The following SMAD3 variants were observed in gnomAD, a reference collection of about 807,000 sequenced individuals.
SMAD3 encodes SMAD family member 3.
A neutral mutation model predicts 51.8 loss-of-function variants in SMAD3; 12 were observed. The ratio of observed to expected loss-of-function variants is 0.23; its 90% CI spans 0.15 to 0.38. The LOEUF is 0.38. SMAD3 is among the 10% of genes least tolerant of loss of function. The probability of loss-of-function intolerance (pLI) is 1.00; values close to 1 mark genes in which losing one functional copy is unlikely to be tolerated. For synonymous variants in SMAD3, 238 were observed against 227.7 expected (o/e 1.05, Z -0.41); for missense variants, 294 against 565.6 (o/e 0.52, Z 4.87).
intron 1 of SMAD3, chr15:67,142,780 G>C (rs368310116): frequency 3.0e-5 from 13 of 431,152 alleles, no homozygotes; most frequent in South Asian, 1.6e-4. Context: ...AAGGAGAAAA[G>C]AGCTTGTGAA....
At chr15:67,152,368 A>G (rs528429333) in intron 1 of SMAD3, among the ~76,000 whole-genome samples, 28 of 5,592 alleles carry the variant, frequency 5.0e-3, no homozygotes, top group African/African-American at 0.023. Context: ...GAAACAGAGA[A>G]GACTCTAAGT....
At chr15:67,073,585 C>T (rs117596360) in intron 1 of SMAD3, among the ~76,000 whole-genome samples, 3 of 152,278 alleles carry the variant, frequency 2.0e-5, no homozygotes, top group Non-Finnish European at 4.4e-5. Flanking sequence ...CTTTGGGCCT[C>T]GAATGTTCTC....
intron 1 of SMAD3, among the ~76,000 whole-genome samples, chr15:67,100,180 TA>T (rs34746545): frequency 1.6e-4 from 18 of 109,886 alleles, no homozygotes; most frequent in African/African-American, 4.3e-4. Flanking sequence ...AAACTCCATC[TA>T]AAAAAAAAAA....
At chr15:67,123,616 G>C (rs777082873) in intron 1 of SMAD3, among the ~76,000 whole-genome samples, 4 of 152,256 alleles carry the variant, frequency 2.6e-5, no homozygotes, top group African/African-American at 9.6e-5. Context: ...CCTTCAGCCA[G>C]CATTCTAATT....
intron 1 of SMAD3, among the ~76,000 whole-genome samples, chr15:67,135,686 C>T (rs1300596383): frequency 6.6e-6 from 1 of 152,142 alleles, no homozygotes. Flanking sequence ...CTTTGATTTT[C>T]TCCTCTGCCT....
intron 1 of SMAD3, among the ~76,000 whole-genome samples, chr15:67,101,112 G>A (rs1227751719): frequency 6.6e-6 from 1 of 152,168 alleles, no homozygotes; most frequent in East Asian, 1.9e-4. Context: ...TGTCCTTGTG[G>A]ATGTGTCTAG....
intron 4 of SMAD3, among the ~76,000 whole-genome samples, chr15:67,167,962 C>T (rs906784529): frequency 3.9e-5 from 6 of 152,196 alleles, no homozygotes; most frequent in African/African-American, 1.4e-4. Flanking sequence ...ATTCCTTCCC[C>T]CACCTTTCCC....
chr15:67,181,874 C>T (rs972103141), intron 6 of SMAD3, among the ~76,000 whole-genome samples: 1 of 151,510 alleles, frequency 6.6e-6, no homozygotes, highest in Non-Finnish European at 1.5e-5. Context: ...CAACCTCTGC[C>T]TCCTGGGTTC....
intron 1 of SMAD3, among the ~76,000 whole-genome samples, chr15:67,150,797 GC>G (rs1166295856): frequency 1.3e-4 from 5 of 37,112 alleles, no homozygotes; most frequent in East Asian, 6.7e-4. Context: ...TCCATGTCCT[GC>G]TTTTTTTTTT....
At chr15:67,168,870 C>T (rs1046198772) in intron 4 of SMAD3, among the ~76,000 whole-genome samples, 12 of 152,130 alleles carry the variant, frequency 7.9e-5, no homozygotes, top group East Asian at 1.9e-4. Flanking sequence ...CAGTTGCTCA[C>T]GGGCTTGGCT....
At chr15:67,108,991 C>T (rs1960941973) in intron 1 of SMAD3, among the ~76,000 whole-genome samples, 1 of 152,292 alleles carries the variant, frequency 6.6e-6, no homozygotes, top group Admixed American at 6.5e-5. Context: ...GCTTAATTTT[C>T]CTCAAGTTGG....
At chr15:67,074,799 C>G (rs889342321) in intron 1 of SMAD3, among the ~76,000 whole-genome samples, 1 of 152,216 alleles carries the variant, frequency 6.6e-6, no homozygotes, top group Non-Finnish European at 1.5e-5. Context: ...AAGCAGTTCT[C>G]CTGCCTCAGC....
intron 1 of SMAD3, among the ~76,000 whole-genome samples, chr15:67,099,773 T>C (rs771219547): frequency 1.3e-5 from 2 of 152,236 alleles, no homozygotes; most frequent in Non-Finnish European, 2.9e-5. Context: ...ATACCTTACA[T>C]AGATTATCTT....
intron 1 of SMAD3, among the ~76,000 whole-genome samples, chr15:67,120,371 A>G (rs923500337): frequency 6.6e-5 from 10 of 152,230 alleles, no homozygotes; most frequent in African/African-American, 2.4e-4. Context: ...TCTTATACAC[A>G]TGCCATGCTG....
At chr15:67,150,294 A>C (rs1257266210) in intron 1 of SMAD3, among the ~76,000 whole-genome samples, 2 of 152,088 alleles carry the variant, frequency 1.3e-5, no homozygotes, top group Non-Finnish European at 2.9e-5. Context: ...AATTAACACA[A>C]AACCTCCTCA....
chr15:67,095,277 C>G (rs1595895682), intron 1 of SMAD3, among the ~76,000 whole-genome samples: 1 of 152,140 alleles, frequency 6.6e-6, no homozygotes, highest in South Asian at 2.1e-4. Context: ...GCATTAAACC[C>G]AGATCCTTTT....
rs977815245 is a variant in SMAD3 at position 67,164,888 on chromosome 15, C to T, written c.207-7C>T. 6.2e-7 allele frequency: 1 copy of T among 1,612,696 alleles called. No individual in the cohort carries two copies. The highest frequency in any genetic ancestry group is 1.7e-5 in the Admixed American group (1 of 60,038). ...CCCTCTCTTTCTGCCCCTCCCCGTC[C>T]TGGCAGGTCCCTGGATGGCCGGTTG... On this transcript the variant is annotated splice_polypyrimidine_tract_variant and splice_region_variant and intron_variant, in intron 1 of 8. Coordinates refer to ENST00000327367, the MANE Select transcript of SMAD3 (RefSeq NM_005902.4).
chr15:67,136,580 C>G (rs1961669314), intron 1 of SMAD3, among the ~76,000 whole-genome samples: 1 of 152,204 alleles, frequency 6.6e-6, no homozygotes, highest in Admixed American at 6.5e-5. Flanking sequence ...ATCTGCCCAC[C>G]TCAGCCTCCC....
At position 67,192,462 on chromosome 15, in the gene SMAD3, T is replaced by C. The variant is rs1963391055; in HGVS notation, c.*1926T>C. ...TATGTGCCTGGTGTGAAATGATCTATGGCCTGTTTCTTACACAGGAAGCCC... is the reference window on the plus strand; with the variant it reads ...TATGTGCCTGGTGTGAAATGATCTACGGCCTGTTTCTTACACAGGAAGCCC... On this transcript the variant is annotated 3_prime_UTR_variant, in exon 9 of 9. Transcript: ENST00000327367. 1 of 233,352 alleles carries C rather than the reference T, an allele frequency of 4.3e-6. No homozygotes were observed. Among genetic ancestry groups the C allele is most frequent in the Non-Finnish European group, 8.5e-6 (1 of 118,066 alleles). The allele number at this position is 233,352 out of a possible 1,614,324, so 14.5% of individuals were successfully genotyped here.
Sources: gnomAD v4.1 joint callset for allele counts (sites outside exome capture counted in the v4.1 genomes callset) on GRCh38, gnomAD v4.1.1 for gene constraint, MANE v1.5 for transcripts, NCBI Gene and HGNC (gene_info 2026-07-23, HGNC 2026-07-21) for gene names.